DPPA4: variants seen among roughly 807,000 people sequenced by gnomAD.
DPPA4 encodes the protein developmental pluripotency associated 4, also known as developmental pluripotency-associated protein 4.
Under a neutral mutation model 33.7 loss-of-function variants are expected in DPPA4, and 22 were observed. The ratio of observed to expected loss-of-function variants is 0.65; its 90% confidence interval spans 0.47 to 0.93. The LOEUF is 0.93. Ranked by LOEUF, DPPA4 falls within the 40% of genes least tolerant of loss-of-function variation. The pLI is 0.00. For synonymous variants in DPPA4, 156 were observed against 132.3 expected (o/e 1.18, Z -1.23); for missense variants, 340 against 358.6 (o/e 0.95, Z 0.42).
chr3:109,329,146 A>G, intron 5 of DPPA4, 58 bp from the exon 6 acceptor site: 1 of 1,483,736 alleles, frequency 6.7e-7, no homozygotes, highest in Non-Finnish European at 9.3e-7. Context: ...ATACTGATGT[A>G]AGACTGCATT....
chr3:109,331,840 C>T, intron 3 of DPPA4, 31 bp downstream of exon 3: 2 of 1,613,516 alleles, frequency 1.2e-6, no homozygotes, highest in African/African-American at 1.3e-5. Context: ...CCCTTCCTCC[C>T]AGCAGCACCG....
At chr3:109,331,285 GAAAGAAAAGA>G (rs1213867287) in intron 4 of DPPA4, among the ~76,000 whole-genome samples, 28 of 92,888 alleles carry the variant, frequency 3.0e-4, no homozygotes, top group Admixed American at 7.0e-4. Context: ...AAAAAAAAAA[GAAAGAAAAGA>G]AAAGAAAAGA....
rs751148341 is a variant in DPPA4, at chr3:109,327,991, T to C, written c.912A>G (p.Glu304=). The part of the protein sequence containing the change: ...NKVLIKSLQW[E] The stretch of plus-strand genomic sequence containing the variant: ...ATGTGGCCTTTTTCCTGATATTCTA[T>C]TCCCATTGGAGGCTTTTTATTAAGA... Residue 304 remains glutamate (E), a synonymous_variant, in exon 7 of 7, where the codon GAA becomes GAG. Transcript: ENST00000335658. The C allele has an allele frequency of 1.3e-6, 2 of 1,547,726 alleles. No homozygotes were observed. The highest frequency in any genetic ancestry group is 1.8e-6 in the Non-Finnish European group (2 of 1,120,410).
intron 4 of DPPA4, 72 bp from the exon 5 acceptor site, chr3:109,330,884 T>G: frequency 2.0e-5 from 12 of 592,396 alleles, no homozygotes; most frequent in East Asian, 8.6e-5. Context: ...TAAGGAGCTC[T>G]TGATCAAATA....
At chr3:109,338,326 A>G (rs1283078202), upstream of DPPA4, among the ~76,000 whole-genome samples, 2 of 152,198 alleles carry the variant, frequency 1.3e-5, no homozygotes, top group Non-Finnish European at 2.9e-5. Context: ...TTTTATTGGT[A>G]ACTTTTTCAA....
At chr3:109,334,502 T>C (rs1708151376) in intron 1 of DPPA4, among the ~76,000 whole-genome samples, 1 of 151,610 alleles carries the variant, frequency 6.6e-6, no homozygotes, top group Non-Finnish European at 1.5e-5. Context: ...ACCACTGCAC[T>C]CCAGCCTGGG....
In DPPA4 at chr3:109,330,736, G is replaced by C. The variant is rs201703878; in HGVS notation, c.467C>G (p.Thr156Arg). Residue 156 changes from threonine (T) to arginine (R), a missense_variant, in exon 5 of 7, where the codon ACG (threonine) becomes AGG (arginine). Transcript: ENST00000335658. ...QKKLKVEKGE[T>R]SLQSSETHPP... ...ATGTGTCTCAGAACTTTGCAGGGACGTTTCCCCCTTTTCCACCTTTAATTT... is the reference window on the plus strand; with the variant it reads ...ATGTGTCTCAGAACTTTGCAGGGACCTTTCCCCCTTTTCCACCTTTAATTT... 6.2e-7 allele frequency: 1 copy of C among 1,614,054 alleles called. No homozygotes were observed. The highest frequency in any genetic ancestry group is 2.2e-5 in the East Asian group (1 of 44,880).
chr3:109,335,688 C>T (rs892555746), intron 1 of DPPA4, among the ~76,000 whole-genome samples: 4 of 151,876 alleles, frequency 2.6e-5, no homozygotes, highest in African/African-American at 9.7e-5. Flanking sequence ...CCTCAGCCTC[C>T]CAAAGTGCTG....
rs1708040755 is a variant in DPPA4 at position 109,330,362 on chromosome 3, C to T, written c.679+162G>A. On this transcript the variant is annotated intron_variant, in intron 5 of 6. Coordinates refer to ENST00000335658, the MANE Select transcript of DPPA4 (RefSeq NM_018189.4). ...AAAAAAAAAGAAATGCAAATAAATG[C>T]TCAGGTCCTGCCCTAGACCTGCACC... 4.8e-6 allele frequency: 3 copies of T among 623,488 alleles called. No homozygotes were observed. In the East Asian group the frequency reaches 8.1e-5, roughly 17 times the overall value. 38.6% of individuals were successfully genotyped at this position (623,488 alleles called of 1,614,324 possible). A position where few individuals can be genotyped will look rare whatever the true frequency, so the allele number is the denominator to read the frequency against.
At chr3:109,330,869 T>C in intron 4 of DPPA4, 57 bp from the exon 5 acceptor site, 1 of 1,150,918 alleles carries the variant, frequency 8.7e-7, no homozygotes, top group South Asian at 1.7e-5. Context: ...CTAACAAAAA[T>C]GGCCTAAGGA....
intron 1 of DPPA4, 98 bp downstream of exon 1, chr3:109,337,366 G>A: frequency 2.8e-6 from 3 of 1,081,156 alleles, no homozygotes; most frequent in Admixed American, 2.1e-5. Flanking sequence ...AAAATTCGAA[G>A]GCACATTCTT....
rs150625668 is a variant in DPPA4, at chr3:109,332,980, G to A, written c.178+890C>T. 8.0e-4 allele frequency among the ~76,000 whole-genome samples: 122 copies of A among 152,224 alleles called. No individual in the cohort carries two copies. The Middle Eastern group carries it at 0.037, about 47-fold the overall frequency. On this transcript the variant is annotated intron_variant, in intron 2 of 6. Coordinates refer to ENST00000335658, the MANE Select transcript of DPPA4 (RefSeq NM_018189.4). ...ACATGCCTGTAATCCCAGCTACTTG[G>A]GAGGCTGAGGCAGGAGAACTGTTTG...
At chr3:109,331,543 CAAAAAAAAAAAAAAA>C (rs62827961) in intron 4 of DPPA4, among the ~76,000 whole-genome samples, 176 bp downstream of exon 4, 2 of 71,470 alleles carry the variant, frequency 2.8e-5, no homozygotes, top group South Asian at 5.3e-4. Context: ...GACTCTGTCT[CAAAAAAAAAAAAAAA>C]AAAAAAAAAG....
At chr3:109,328,314 C>T (rs962167617) in intron 6 of DPPA4, among the ~76,000 whole-genome samples, 1 of 152,148 alleles carries the variant, frequency 6.6e-6, no homozygotes, top group Non-Finnish European at 1.5e-5. Context: ...AAGTGACCTC[C>T]TCAGTTCTCT....
At chr3:109,330,180 A>G (rs1708029528) in intron 5 of DPPA4, 2 of 303,272 alleles carry the variant, frequency 6.6e-6, no homozygotes, top group Admixed American at 9.3e-5. Flanking sequence ...ACATGCCTGT[A>G]ATCCCAGCTA....
chr3:109,327,804 A>G lies in DPPA4; in HGVS notation c.*184T>C, dbSNP rs569056274. On this transcript the variant is annotated 3_prime_UTR_variant, in exon 7 of 7. Transcript: ENST00000335658. ...TCCATTTTTAAATGTAAGAGTCTCT[A>G]TCTCCACTCACAAAGCAACAGGCAC... 2.7e-5 allele frequency: 14 copies of G among 512,798 alleles called. No homozygotes were observed. In the East Asian group the frequency reaches 4.2e-4, roughly 15 times the overall value. The allele number at this position is 512,798 out of a possible 1,614,324, so 31.8% of individuals were successfully genotyped here. A position where few individuals can be genotyped will look rare whatever the true frequency, so the allele number is the denominator to read the frequency against.
chr3:109,330,963 T>C, intron 4 of DPPA4, 151 bp from the exon 5 acceptor site: 3 of 799,762 alleles, frequency 3.8e-6, no homozygotes, highest in Non-Finnish European at 5.8e-6. Flanking sequence ...ACATAGTTAA[T>C]AACAATGTAC....
chr3:109,330,215 T>C (rs1361350776), intron 5 of DPPA4: 3 of 337,450 alleles, frequency 8.9e-6, no homozygotes, highest in Non-Finnish European at 1.1e-5. Flanking sequence ...GGCAGGAGAA[T>C]TGCTTGAACC....
At position 109,330,736 on chromosome 3, in the gene DPPA4, G is replaced by T. The variant is rs201703878; in HGVS notation, c.467C>A (p.Thr156Lys). Residue 156 changes from threonine to lysine, a missense_variant, in exon 5 of 7, where the codon ACG becomes AAG. Around this residue, in one of 3 missense-constraint regions of DPPA4, gnomAD observed 212 missense variants for 206.5 expected, o/e 1.03. Transcript: ENST00000335658. ...QKKLKVEKGE[T>K]SLQSSETHPP... ...ATGTGTCTCAGAACTTTGCAGGGAC[G>T]TTTCCCCCTTTTCCACCTTTAATTT... 1.9e-6 allele frequency: 3 copies of T among 1,614,054 alleles called. No individual in the cohort carries two copies. Among genetic ancestry groups the T allele is most frequent in the Non-Finnish European group, 2.5e-6 (3 of 1,180,026 alleles).
Sources: gnomAD v4.1 joint callset for allele counts (sites outside exome capture counted in the v4.1 genomes callset) on GRCh38, gnomAD v4.1.1 for gene constraint, gnomAD v4.1.1 regional missense constraint, MANE v1.5 for transcripts, NCBI Gene and HGNC (gene_info 2026-07-23, HGNC 2026-07-21) for gene names.